The following GSG1L variants were observed in gnomAD, a reference collection of about 807,000 sequenced individuals.
GSG1L encodes the protein GSG1 like.
GSG1L carries 24 observed loss-of-function variants against 42.1 expected under a neutral mutation model. That is an observed-to-expected ratio of 0.57 (90% CI 0.41 to 0.80). The LOEUF is 0.80. Ranked by LOEUF, GSG1L falls within the 30% of genes least tolerant of loss-of-function variation. The probability of loss-of-function intolerance (pLI) is 0.00; values close to 1 mark genes in which losing one functional copy is unlikely to be tolerated. For missense variants in GSG1L, 445 were observed against 472.2 expected (o/e 0.94, Z 0.53); for synonymous variants, 215 against 203.5 (o/e 1.06, Z -0.48).
At chr16:28,010,188 C>G (rs2085698789) in intron 1 of GSG1L, among the ~76,000 whole-genome samples, 1 of 152,180 alleles carries the variant, frequency 6.6e-6, no homozygotes. Flanking sequence ...GCAATGGAAC[C>G]TCCCACGGAT....
chr16:27,970,845 A>G (rs1158721184), intron 1 of GSG1L, among the ~76,000 whole-genome samples: 1 of 152,142 alleles, frequency 6.6e-6, no homozygotes, highest in Non-Finnish European at 1.5e-5. Flanking sequence ...GGTGTATAAA[A>G]GGGGTCCAGC....
intron 1 of GSG1L, among the ~76,000 whole-genome samples, chr16:28,061,054 C>G (rs749550945): frequency 2.6e-5 from 4 of 152,112 alleles, no homozygotes; most frequent in Admixed American, 1.3e-4. Context: ...AGGACCACTC[C>G]GGTGCCAGAG....
intron 1 of GSG1L, among the ~76,000 whole-genome samples, chr16:27,977,181 C>T (rs1396781755): frequency 6.6e-6 from 1 of 152,178 alleles, no homozygotes; most frequent in Non-Finnish European, 1.5e-5. Context: ...GGCAGAGTGA[C>T]CTACCCAAGG....
rs189427307 is a variant in GSG1L, at chr16:27,938,636, G to A, written c.397+24520C>T. Among the ~76,000 whole-genome samples, 11 of 152,322 alleles carry A rather than the reference G, an allele frequency of 7.2e-5. No homozygotes were observed. The East Asian group carries it at 9.7e-4, about 13-fold the overall frequency. On this transcript the variant is annotated intron_variant, in intron 2 of 6. Coordinates refer to ENST00000447459, the MANE Select transcript of GSG1L (RefSeq NM_001109763.2). The stretch of plus-strand genomic sequence containing the variant: ...TTGTCAGGACGGGCAAGTGCCCACC[G>A]CGAGGGACTGAGCTGGCAAAAACCT...
chr16:27,887,716 C>A (rs1490096704), intron 2 of GSG1L, among the ~76,000 whole-genome samples: 10 of 152,208 alleles, frequency 6.6e-5, no homozygotes, highest in Non-Finnish European at 7.3e-5. Flanking sequence ...GATGCTGAAA[C>A]ACCCACTATC....
intron 2 of GSG1L, among the ~76,000 whole-genome samples, chr16:27,962,650 C>T (rs1232414403): frequency 6.6e-6 from 1 of 152,212 alleles, no homozygotes; most frequent in Non-Finnish European, 1.5e-5. Flanking sequence ...CACTGCCTTG[C>T]ACACCTCTGG....
intron 3 of GSG1L, among the ~76,000 whole-genome samples, chr16:27,855,061 C>T (rs1424945984): frequency 6.6e-6 from 1 of 152,056 alleles, no homozygotes; most frequent in Non-Finnish European, 1.5e-5. Flanking sequence ...GACCTCGACT[C>T]TTAAAAAAAT....
chr16:27,867,197 G>A (rs1048899562), intron 3 of GSG1L, among the ~76,000 whole-genome samples: 3 of 152,082 alleles, frequency 2.0e-5, no homozygotes, highest in African/African-American at 7.2e-5. Context: ...AGGAATAGAC[G>A]CCCACCCAGA....
At chr16:28,054,303 G>A (rs1434986045) in intron 1 of GSG1L, among the ~76,000 whole-genome samples, 4 of 152,148 alleles carry the variant, frequency 2.6e-5, no homozygotes, top group Non-Finnish European at 4.4e-5. Context: ...GAAGAAGGAC[G>A]GCCCCTGAGA....
At chr16:27,942,945 C>A (rs2084817544) in intron 2 of GSG1L, among the ~76,000 whole-genome samples, 1 of 152,186 alleles carries the variant, frequency 6.6e-6, no homozygotes, top group South Asian at 2.1e-4. Context: ...CTGGAGTATG[C>A]ATGAAAATCA....
At chr16:27,833,703 G>A (rs1395330733) in intron 4 of GSG1L, among the ~76,000 whole-genome samples, 3 of 151,864 alleles carry the variant, frequency 2.0e-5, no homozygotes, top group Non-Finnish European at 2.9e-5. Context: ...CACTTTTTTA[G>A]TATAAATGAT....
intron 1 of GSG1L, among the ~76,000 whole-genome samples, chr16:27,977,559 C>CAAA (rs34588077): frequency 7.8e-4 from 35 of 44,934 alleles, no homozygotes; most frequent in African/African-American, 2.5e-3. Context: ...CACCCTGCCT[C>CAAA]AAAAAAAAAA....
At chr16:27,885,944 T>C (rs1390407927) in intron 2 of GSG1L, among the ~76,000 whole-genome samples, 1 of 152,212 alleles carries the variant, frequency 6.6e-6, no homozygotes, top group Non-Finnish European at 1.5e-5. Flanking sequence ...CTGTTGTTTT[T>C]CCTACCCATA....
chr16:27,988,545 T>C (rs2085414063), intron 1 of GSG1L, among the ~76,000 whole-genome samples: 1 of 152,154 alleles, frequency 6.6e-6, no homozygotes, highest in Admixed American at 6.6e-5. Context: ...TAAGCAGTTA[T>C]AAAGGATTTG....
At chr16:28,006,515 G>T (rs1225576045) in intron 1 of GSG1L, among the ~76,000 whole-genome samples, 1 of 151,884 alleles carries the variant, frequency 6.6e-6, no homozygotes, top group African/African-American at 2.4e-5. Flanking sequence ...CACCATGTTG[G>T]CCAGGCTGGT....
At chr16:28,045,380 T>TA (rs2086149564) in intron 1 of GSG1L, among the ~76,000 whole-genome samples, 1 of 152,076 alleles carries the variant, frequency 6.6e-6, no homozygotes, top group South Asian at 2.1e-4. Context: ...AAAACTGCTT[T>TA]AAAAAAGTGT....
chr16:28,038,973 G>C (rs192293665), intron 1 of GSG1L, among the ~76,000 whole-genome samples: 1 of 152,146 alleles, frequency 6.6e-6, no homozygotes. Flanking sequence ...TTTACATATA[G>C]GGATACTGAG....
intron 2 of GSG1L, among the ~76,000 whole-genome samples, chr16:27,885,757 A>T (rs1186847831): frequency 6.6e-6 from 1 of 152,222 alleles, no homozygotes; most frequent in Admixed American, 6.5e-5. Context: ...GAGTCTGAGC[A>T]TTCTGACCAC....
intron 1 of GSG1L, among the ~76,000 whole-genome samples, chr16:28,053,404 T>A (rs2086240859): frequency 6.6e-6 from 1 of 152,208 alleles, no homozygotes; most frequent in Admixed American, 6.5e-5. Flanking sequence ...GGGTCAGTGA[T>A]GAAACGAAGC....
Sources: allele counts gnomAD v4.1 joint callset (sites outside exome capture counted in the v4.1 genomes callset), GRCh38; gene constraint gnomAD v4.1.1; transcripts MANE v1.5; gene names NCBI Gene and HGNC (gene_info 2026-07-23, HGNC 2026-07-21).